Variants in GABRB2 observed in about 807,000 individuals in gnomAD.
The protein encoded by GABRB2 is gamma-aminobutyric acid type A receptor subunit beta2, also known as gamma-aminobutyric acid receptor subunit beta-2.
In GABRB2, 16 loss-of-function variants were observed where a neutral mutation model predicts 54.7. The observed-to-expected ratio is 0.29, with a 90% CI of 0.20 to 0.44. The LOEUF (loss-of-function observed/expected upper bound fraction) is 0.44. Ranked by LOEUF, GABRB2 falls within the 20% of genes least tolerant of loss-of-function variation. GABRB2 has a pLI of 1.00. For missense variants in GABRB2, 355 were observed against 644.0 expected (o/e 0.55, Z 4.86); for synonymous variants, 244 against 233.8 (o/e 1.04, Z -0.40).
Position 161,293,994 on chromosome 5 carries a change from G to T in GABRB2, c.*87C>A. The T allele has an allele frequency of 9.8e-7, 1 of 1,018,540 alleles. No homozygotes were observed. The highest frequency in any genetic ancestry group is 1.5e-6 in the Non-Finnish European group (1 of 680,036). The allele number at this position is 1,018,540 out of a possible 1,614,324, so 63.1% of individuals were successfully genotyped here. A position where few individuals can be genotyped will look rare whatever the true frequency, so the allele number is the denominator to read the frequency against. ...GTATTTTAGCGTCACTTTTGTCCTG[G>T]ATTGATGTGTTTTCCAAGTCCTACA... On this transcript the variant is annotated 3_prime_UTR_variant, in exon 10 of 10. Transcript: ENST00000393959.
At chr5:161,318,711 G>T (rs954855557) in intron 9 of GABRB2, among the ~76,000 whole-genome samples, 1 of 151,624 alleles carries the variant, frequency 6.6e-6, no homozygotes, top group African/African-American at 2.4e-5. Context: ...TAGAGTTATT[G>T]GGTCAAATTT....
intron 3 of GABRB2, among the ~76,000 whole-genome samples, chr5:161,514,192 G>A (rs1759864521): frequency 2.0e-5 from 3 of 152,052 alleles, no homozygotes; most frequent in Admixed American, 6.6e-5. Context: ...CTGATTATAT[G>A]ACCAGAGTGC....
chr5:161,387,600 C>T (rs1315264982), intron 5 of GABRB2, among the ~76,000 whole-genome samples: 4 of 152,108 alleles, frequency 2.6e-5, no homozygotes, highest in African/African-American at 9.7e-5. Context: ...CCATCTACTA[C>T]CTAGTAACTG....
rs1445465851 is a variant in GABRB2, at chr5:161,463,588, T to TATATAG, written c.238-3745_238-3744insCTATAT. 2.2e-3 allele frequency among the ~76,000 whole-genome samples: 264 copies of TATATAG among 119,184 alleles called. 3 individuals carry two copies. The highest frequency in any genetic ancestry group is 4.4e-3 in the Middle Eastern group (1 of 226). The allele number at this position is 119,184 out of a possible 152,430, so 78.2% of individuals were successfully genotyped here. ...ATATATATATATATATATATATATATATATATATATATGAAAGAGAATAGC... is the reference window on the plus strand; with the variant it reads ...ATATATATATATATATATATATATATATATAGATATATATATATGAAAGAGAATAGC... On this transcript the variant is annotated intron_variant, in intron 3 of 9. Transcript: ENST00000393959.
intron 3 of GABRB2, among the ~76,000 whole-genome samples, chr5:161,512,742 T>G (rs1019212711): frequency 1.3e-5 from 2 of 152,044 alleles, no homozygotes; most frequent in African/African-American, 4.8e-5. Context: ...AAAGAGCGTC[T>G]GCACAGCAAA....
intron 3 of GABRB2, among the ~76,000 whole-genome samples, chr5:161,504,173 A>G (rs1184803123): frequency 6.6e-6 from 1 of 152,222 alleles, no homozygotes; most frequent in East Asian, 1.9e-4. Flanking sequence ...CAAGAAGGAT[A>G]TTGAAGATGT....
At chr5:161,503,313 GA>G (rs1329326503) in intron 3 of GABRB2, among the ~76,000 whole-genome samples, 1 of 151,702 alleles carries the variant, frequency 6.6e-6, no homozygotes, top group Non-Finnish European at 1.5e-5. Context: ...AAAAAGAGCA[GA>G]AAAATTGGTA....
chr5:161,372,253 G>A (rs1233483736), intron 5 of GABRB2, among the ~76,000 whole-genome samples: 1 of 152,112 alleles, frequency 6.6e-6, no homozygotes, highest in Non-Finnish European at 1.5e-5. Flanking sequence ...ATTAGGAAGT[G>A]TGGACCCACT....
At chr5:161,521,781 A>T (rs779325955) in intron 3 of GABRB2, among the ~76,000 whole-genome samples, 5 of 151,938 alleles carry the variant, frequency 3.3e-5, no homozygotes, top group Non-Finnish European at 5.9e-5. Flanking sequence ...AAACCAACTT[A>T]TGGAGGTTGA....
intron 3 of GABRB2, among the ~76,000 whole-genome samples, chr5:161,525,182 A>G (rs1255283155): frequency 1.3e-5 from 2 of 151,164 alleles, no homozygotes; most frequent in African/African-American, 4.8e-5. Context: ...GCCCTAATAA[A>G]AATTTATTCA....
chr5:161,494,520 T>A (rs920923850), intron 3 of GABRB2, among the ~76,000 whole-genome samples: 1 of 145,642 alleles, frequency 6.9e-6, no homozygotes, highest in Non-Finnish European at 1.5e-5. Context: ...AGTGGGAATA[T>A]ATTTACTGTT....
rs116964362 is a variant in GABRB2, at chr5:161,465,484, C to A, written c.238-5640G>T. 5.1e-4 allele frequency among the ~76,000 whole-genome samples: 78 copies of A among 152,156 alleles called. 1 individual carries two copies. The East Asian group carries it at 0.015, about 28-fold the overall frequency. ...GACCTTATATTCAAACTCATGTTGT[C>A]ATTTAAAAATCTTCTATATGTCTAA... On this transcript the variant is annotated intron_variant, in intron 3 of 9. Coordinates refer to ENST00000393959, the MANE Select transcript of GABRB2 (RefSeq NM_001371727.1).
chr5:161,498,350 GT>G (rs33983588), intron 3 of GABRB2, among the ~76,000 whole-genome samples: 144,358 of 148,462 alleles, frequency 0.97, 70,173 homozygotes, highest in African/African-American at 0.98. Context: ...AAAATCTTTA[GT>G]TTTTTTTTTT....
chr5:161,357,778 T>C (rs1449691659), intron 5 of GABRB2, among the ~76,000 whole-genome samples: 1 of 151,998 alleles, frequency 6.6e-6, no homozygotes, highest in Non-Finnish European at 1.5e-5. Flanking sequence ...AAGTGGGATA[T>C]ATGAAAGAGA....
At position 161,288,615 on chromosome 5, in the gene GABRB2, G is replaced by A. The variant is rs1580948650; in HGVS notation, c.*5466C>T. On this transcript the variant is annotated 3_prime_UTR_variant, in exon 10 of 10. Transcript: ENST00000393959. The stretch of plus-strand genomic sequence containing the variant: ...GTATCCCAGAGATTTTAATAGTCCT[G>A]TTTTTAGAAAGACATGAAAATAGAT... 6.6e-6 allele frequency: 1 copy of A among 152,428 alleles called. No individual in the cohort carries two copies. Among genetic ancestry groups the A allele is most frequent in the Non-Finnish European group, 1.5e-5 (1 of 67,994 alleles). 9.4% of individuals were successfully genotyped at this position (152,428 alleles called of 1,614,324 possible).
chr5:161,308,053 G>A (rs2113357956), intron 9 of GABRB2, among the ~76,000 whole-genome samples: 1 of 147,706 alleles, frequency 6.8e-6, no homozygotes, highest in Middle Eastern at 3.5e-3. Flanking sequence ...AGTAGAGATG[G>A]GGTTTCACCA....
chr5:161,515,410 A>G (rs906596744), intron 3 of GABRB2, among the ~76,000 whole-genome samples: 4 of 152,074 alleles, frequency 2.6e-5, no homozygotes, highest in African/African-American at 9.7e-5. Context: ...AAAATGAATG[A>G]GTATATTATT....
upstream of GABRB2, chr5:161,546,755 T>A: frequency 1.4e-5 from 21 of 1,473,002 alleles, no homozygotes; most frequent in South Asian, 6.7e-5. Flanking sequence ...TACCAAAACA[T>A]CAAAGGGGAA....
At position 161,458,253 on chromosome 5, in the gene GABRB2, G is replaced by A. The variant is rs565868812; in HGVS notation, c.458+1371C>T. ...CACAATTCTTTCCATTAGTACTTTC[G>A]AAGTCCACCACTTCAGTAGAATCTT... On this transcript the variant is annotated intron_variant, in intron 4 of 9. Transcript: ENST00000393959. Among the ~76,000 whole-genome samples the A allele has an allele frequency of 3.9e-5, 6 of 151,996 alleles. No homozygotes were observed. The South Asian group carries it at 6.2e-4, about 16-fold the overall frequency.
Sources: gnomAD v4.1 joint callset for allele counts (sites outside exome capture counted in the v4.1 genomes callset) on GRCh38, gnomAD v4.1.1 for gene constraint, MANE v1.5 for transcripts, NCBI Gene and HGNC (gene_info 2026-07-23, HGNC 2026-07-21) for gene names.